The following MICALL2 variants were observed in gnomAD, a reference collection of about 807,000 sequenced individuals.
MICALL2 encodes MICAL-like protein 2.
In MICALL2, 111 loss-of-function variants were observed where a neutral mutation model predicts 91.1. That is an observed-to-expected ratio of 1.22 (90% CI 1.04 to 1.43). The LOEUF (loss-of-function observed/expected upper bound fraction) is 1.43. MICALL2 is among the 40% of genes most tolerant of loss of function. MICALL2 has a pLI of 0.00. For missense variants in MICALL2, 1,556 were observed against 1,236.0 expected, an observed-to-expected ratio of 1.26 and a Z score of -3.88; for synonymous variants, 694 against 525.3, an observed-to-expected ratio of 1.32 and a Z score of -4.39.
intron 9 of MICALL2, 69 bp from the exon 10 acceptor site, chr7:1,439,064 G>T: frequency 7.8e-7 from 1 of 1,288,274 alleles, no homozygotes; most frequent in South Asian, 1.4e-5. Context: ...GTCTGTCCCA[G>T]CACAGCCAAC....
In MICALL2 at chr7:1,435,264, C is replaced by G; in HGVS notation, c.2592-117G>C. Reference sequence around the variant, plus strand: ...CCCTGAGTCCCGCCTGGACCCATGCCACCTGCCCCTTCCTGCTGACAGGCC... The same window carrying G: ...CCCTGAGTCCCGCCTGGACCCATGCGACCTGCCCCTTCCTGCTGACAGGCC... On this transcript the variant is annotated intron_variant, in intron 15 of 16. Transcript: ENST00000297508. 3.1e-6 allele frequency: 3 copies of G among 980,176 alleles called. No homozygotes were observed. In the South Asian group the frequency reaches 4.1e-5, roughly 13 times the overall value. 60.7% of individuals were successfully genotyped at this position (980,176 alleles called of 1,614,324 possible). A position where few individuals can be genotyped will look rare whatever the true frequency, so the allele number is the denominator to read the frequency against.
intron 10 of MICALL2, 160 bp from the exon 11 acceptor site, chr7:1,438,513 A>C: frequency 2.1e-6 from 3 of 1,441,658 alleles, no homozygotes; most frequent in Non-Finnish European, 2.7e-6. Flanking sequence ...ACCCAGCCCC[A>C]CAGACACCTG....
intron 3 of MICALL2, 31 bp downstream of exon 3, chr7:1,448,589 G>A (rs1247036707): frequency 1.2e-6 from 2 of 1,611,440 alleles, no homozygotes; most frequent in Non-Finnish European, 8.5e-7. Flanking sequence ...GCCTGGTCCT[G>A]CCTGGCTCGG....
intron 3 of MICALL2, 130 bp from the exon 4 acceptor site, chr7:1,447,895 G>A: frequency 1.5e-6 from 1 of 676,146 alleles, no homozygotes; most frequent in Non-Finnish European, 2.3e-6. Context: ...GGGCTGGGGA[G>A]AGGTAACCCT....
chr7:1,455,819 G>A (rs2128526371), intron 1 of MICALL2, among the ~76,000 whole-genome samples: 1 of 152,128 alleles, frequency 6.6e-6, no homozygotes, highest in South Asian at 2.1e-4. Flanking sequence ...CAGAGCTACA[G>A]ACAGGGAGAC....
rs553710876 is a variant in MICALL2 at position 1,441,116 on chromosome 7, C to T, written c.1712-432G>A. The T allele has an allele frequency of 4.8e-5, 9 of 189,052 alleles. No homozygotes were observed. In the South Asian group the frequency reaches 8.8e-4, roughly 18 times the overall value. 11.7% of individuals were successfully genotyped at this position (189,052 alleles called of 1,614,324 possible). A position where few individuals can be genotyped will look rare whatever the true frequency, so the allele number is the denominator to read the frequency against. ...AGCCAAAGAGAAGGATCTGGAAAAA[C>T]CCTTTGCAGCCCAGCTTGTTCCCTG... On this transcript the variant is annotated intron_variant, in intron 7 of 16. Transcript: ENST00000297508.
At chr7:1,454,854 G>T (rs1410403680) in intron 1 of MICALL2, among the ~76,000 whole-genome samples, 1 of 152,162 alleles carries the variant, frequency 6.6e-6, no homozygotes, top group Non-Finnish European at 1.5e-5. Flanking sequence ...GGGAGCCACT[G>T]CTGGAGGGCT....
intron 2 of MICALL2, among the ~76,000 whole-genome samples, chr7:1,449,780 C>T (rs375106622): frequency 6.6e-6 from 1 of 152,378 alleles, no homozygotes; most frequent in African/African-American, 2.4e-5. Context: ...ACTGAGGCTG[C>T]ACACAGGGAA....
chr7:1,459,145 G>A (rs1217731744), intron 1 of MICALL2, 39 bp downstream of exon 1: 3 of 1,576,598 alleles, frequency 1.9e-6, no homozygotes, highest in East Asian at 2.3e-5. Flanking sequence ...GCGCGCAGCC[G>A]AACAGCAGAA....
intron 3 of MICALL2, 79 bp from the exon 4 acceptor site, chr7:1,447,844 C>T (rs1780669364): frequency 2.6e-6 from 3 of 1,138,306 alleles, no homozygotes; most frequent in African/African-American, 1.6e-5. Flanking sequence ...GTCCCAGTGC[C>T]CAGCACAGGC....
chr7:1,443,886 C>G (rs1307937361), intron 6 of MICALL2, among the ~76,000 whole-genome samples: 1 of 152,182 alleles, frequency 6.6e-6, no homozygotes, highest in Admixed American at 6.5e-5. Context: ...TGCAGCGCCC[C>G]CCTCTACCCG....
At chr7:1,457,740 G>A (rs1781070868) in intron 1 of MICALL2, among the ~76,000 whole-genome samples, 1 of 152,252 alleles carries the variant, frequency 6.6e-6, no homozygotes, top group Non-Finnish European at 1.5e-5. Context: ...AGTGATCCAT[G>A]AAGCTGGTGG....
At position 1,447,454 on chromosome 7, in the gene MICALL2, G is replaced by C. The variant is rs1424350840; in HGVS notation, c.525+121C>G. 2.1e-4 allele frequency: 131 copies of C among 621,606 alleles called. 1 individual carries two copies. In the East Asian group the frequency reaches 3.7e-3, roughly 18 times the overall value. 38.5% of individuals were successfully genotyped at this position (621,606 alleles called of 1,614,324 possible). ...CTTGCTAAGGCTGAGCCCTGGACTGGGGGAGCCGCACCCCACTCTGGGTCC... is the reference window on the plus strand; with the variant it reads ...CTTGCTAAGGCTGAGCCCTGGACTGCGGGAGCCGCACCCCACTCTGGGTCC... On this transcript the variant is annotated intron_variant, in intron 4 of 16. Transcript: ENST00000297508.
In MICALL2 at chr7:1,459,468, A is replaced by G; in HGVS notation, c.-142T>C. 1 of 723,556 alleles carries G rather than the reference A, an allele frequency of 1.4e-6. No individual in the cohort carries two copies. The highest frequency in any genetic ancestry group is 3.3e-5 in the South Asian group (1 of 30,670). 44.8% of individuals were successfully genotyped at this position (723,556 alleles called of 1,614,324 possible). On this transcript the variant is annotated 5_prime_UTR_variant, in exon 1 of 17. Transcript: ENST00000297508. ...CGGCGCCCAGCCCCAGCTGAGCCGG[A>G]CTGAGGGCGACGAGTGCCGGGTCCC...
rs953320444 is a variant in MICALL2, at chr7:1,438,788, G to A, written c.2122+52C>T. 31 of 1,550,104 alleles carry A rather than the reference G, an allele frequency of 2.0e-5. 1 individual carries two copies. The East Asian group carries it at 3.4e-4, about 17-fold the overall frequency. On this transcript the variant is annotated intron_variant, in intron 10 of 16. Transcript: ENST00000297508. ...CCCAGCAGGCATTGCCTCCTCAGAG[G>A]AAGGCTCCCTTCACGTACACCCCAA...
At chr7:1,449,403 G>A (rs529710814) in intron 2 of MICALL2, among the ~76,000 whole-genome samples, 159 of 152,308 alleles carry the variant, frequency 1.0e-3, no homozygotes, top group African/African-American at 3.6e-3. Context: ...TCCACCTTCC[G>A]GATTCAAGCA....
rs757555039 is a variant in MICALL2, at chr7:1,442,234, C to T, written c.1669G>A (p.Glu557Lys). 12 of 1,612,748 alleles carry T rather than the reference C, an allele frequency of 7.4e-6. No homozygotes were observed. Among genetic ancestry groups the T allele is most frequent in the Non-Finnish European group, 1.0e-5 (12 of 1,179,944 alleles). ...CTTTTACCCTTTGCCATCGGGGCCT[C>T]TGGCTTCGGCCTGGAGCCAGCACCC... Reference protein sequence around the residue: ...RVGAGSRPKPEAPMAKGKSTT... With the variant: ...RVGAGSRPKPKAPMAKGKSTT... Residue 557 changes from glutamate to lysine, a missense_variant, in exon 7 of 17, where the codon GAG becomes AAG. By Grantham distance (56) the Glu-to-Lys change is moderately conservative. Coordinates refer to ENST00000297508, the MANE Select transcript of MICALL2 (RefSeq NM_182924.4).
At chr7:1,437,173 T>G (rs1192548014) in intron 14 of MICALL2, 1 of 483,014 alleles carries the variant, frequency 2.1e-6, no homozygotes, top group Non-Finnish European at 3.6e-6. Flanking sequence ...CCTGGGCCTG[T>G]GCCCTCAGCC....
chr7:1,449,594 G>A (rs1044326990), intron 2 of MICALL2, among the ~76,000 whole-genome samples: 2 of 152,222 alleles, frequency 1.3e-5, no homozygotes, highest in African/African-American at 2.4e-5. Flanking sequence ...AGTGCCGGCC[G>A]GGCAGGTATG....
Sources: allele counts gnomAD v4.1 joint callset (sites outside exome capture counted in the v4.1 genomes callset), GRCh38; gene constraint gnomAD v4.1.1; transcripts MANE v1.5; gene names NCBI Gene and HGNC (gene_info 2026-07-23, HGNC 2026-07-21).